Variants in PDE6D observed in about 807,000 individuals in gnomAD.
The protein encoded by PDE6D is phosphodiesterase 6D.
PDE6D carries 10 observed loss-of-function variants against 21.9 expected under a neutral mutation model. The ratio of observed to expected loss-of-function variants is 0.46; its 90% CI spans 0.28 to 0.78. PDE6D has a LOEUF of 0.78. Among genes scored for constraint, PDE6D ranks in the 30% least tolerant of loss-of-function variants. The pLI, the probability that PDE6D is intolerant of heterozygous loss-of-function variation, is 0.12. For synonymous variants in PDE6D, 59 were observed against 63.5 expected (o/e 0.93, Z 0.34); for missense variants, 139 against 184.8 (o/e 0.75, Z 1.44).
intron 1 of PDE6D, among the ~76,000 whole-genome samples, chr2:231,757,768 T>C (rs2048894612): frequency 6.6e-6 from 1 of 152,208 alleles, no homozygotes; most frequent in South Asian, 2.1e-4. Flanking sequence ...TATTTTTTAA[T>C]TAAAAAGCAG....
intron 1 of PDE6D, among the ~76,000 whole-genome samples, chr2:231,749,513 T>C (rs547819345): frequency 1.5e-4 from 23 of 151,734 alleles, no homozygotes; most frequent in South Asian, 1.5e-3. Flanking sequence ...TTTTTTTTTT[T>C]TTTTTTTGAG....
chr2:231,748,228 A>G (rs1205919492), intron 1 of PDE6D, among the ~76,000 whole-genome samples: 1 of 152,188 alleles, frequency 6.6e-6, no homozygotes, highest in East Asian at 1.9e-4. Flanking sequence ...GACTTGTTGA[A>G]TGGCTTTGCC....
chr2:231,776,950 T>A (rs968222808), intron 1 of PDE6D, among the ~76,000 whole-genome samples: 11 of 152,214 alleles, frequency 7.2e-5, no homozygotes, highest in Admixed American at 3.9e-4. Flanking sequence ...TGAGAGGTAG[T>A]ATAGCGCCAC....
At chr2:231,743,191 C>T (rs781368990) in intron 1 of PDE6D, among the ~76,000 whole-genome samples, 4 of 151,754 alleles carry the variant, frequency 2.6e-5, no homozygotes, top group African/African-American at 9.7e-5. Context: ...TTTTGGAGGC[C>T]GAGGCGGGCG....
chr2:231,750,481 C>CATTTTTTTTTTTTT (rs1553557786), intron 1 of PDE6D, among the ~76,000 whole-genome samples: 1 of 133,562 alleles, frequency 7.5e-6, no homozygotes, highest in Admixed American at 7.6e-5. Context: ...ATCCATATCA[C>CATTTTTTTTTTTTT]TTTTTTTTTT....
At chr2:231,737,422 C>T (rs922202597) in intron 3 of PDE6D, 130 bp from the exon 4 acceptor site, 47 of 579,762 alleles carry the variant, frequency 8.1e-5, no homozygotes, top group Admixed American at 1.2e-4. Flanking sequence ...AGCAACCTCT[C>T]AGACCAGGGG....
At position 231,752,831 on chromosome 2, in the gene PDE6D, G is replaced by GTTTTTT. The variant is rs778027978; in HGVS notation, c.51-13649_51-13644dup. 9.2e-5 allele frequency among the ~76,000 whole-genome samples: 11 copies of GTTTTTT among 119,302 alleles called. 1 individual carries two copies. Among genetic ancestry groups the GTTTTTT allele is most frequent in the Non-Finnish European group, 1.2e-4 (7 of 59,280 alleles). The allele number at this position is 119,302 out of a possible 152,430, so 78.3% of individuals were successfully genotyped here. A position where few individuals can be genotyped will look rare whatever the true frequency, so the allele number is the denominator to read the frequency against. ...CAGAAATTATATTTGAGAGATTTGA[G>GTTTTTT]TTTTTTTTTTTTTTTTTTTTGAGAC... On this transcript the variant is annotated intron_variant, in intron 1 of 4. Transcript: ENST00000287600.
At chr2:231,760,362 A>C (rs2048916534) in intron 1 of PDE6D, among the ~76,000 whole-genome samples, 1 of 152,204 alleles carries the variant, frequency 6.6e-6, no homozygotes, top group African/African-American at 2.4e-5. Flanking sequence ...GTATGCTAAT[A>C]ATTTAGATAT....
At chr2:231,741,510 C>T (rs2048749769) in intron 1 of PDE6D, among the ~76,000 whole-genome samples, 1 of 152,194 alleles carries the variant, frequency 6.6e-6, no homozygotes, top group African/African-American at 2.4e-5. Context: ...GATCCCAAGA[C>T]AATAGCTCTT....
chr2:231,773,064 C>T (rs953010569), intron 1 of PDE6D, among the ~76,000 whole-genome samples: 10 of 152,028 alleles, frequency 6.6e-5, no homozygotes, highest in Non-Finnish European at 2.9e-5. Flanking sequence ...ATAGTGAAAC[C>T]GTTTCTCTAC....
chr2:231,765,945 G>A (rs555368851), intron 1 of PDE6D, among the ~76,000 whole-genome samples: 1 of 152,160 alleles, frequency 6.6e-6, no homozygotes, highest in African/African-American at 2.4e-5. Context: ...TTATGTCAGA[G>A]CCCTCTTATG....
intron 1 of PDE6D, among the ~76,000 whole-genome samples, chr2:231,780,694 C>T (rs373586097): frequency 2.6e-5 from 4 of 152,186 alleles, no homozygotes; most frequent in Admixed American, 2.6e-4. Flanking sequence ...CGCGCCCCCT[C>T]AGCCCTTCTC....
chr2:231,779,935 CT>C (rs2049090897), intron 1 of PDE6D, among the ~76,000 whole-genome samples: 1 of 152,186 alleles, frequency 6.6e-6, no homozygotes, highest in African/African-American at 2.4e-5. Flanking sequence ...GAAAACAGTG[CT>C]TTACTAAACC....
At position 231,738,116 on chromosome 2, in the gene PDE6D, G is replaced by C; in HGVS notation, c.162C>G (p.Leu54=). The C allele has an allele frequency of 6.2e-7, 1 of 1,612,960 alleles. No individual in the cohort carries two copies. The highest frequency in any genetic ancestry group is 1.7e-5 in the Admixed American group (1 of 59,754). Residue 54 remains leucine, a synonymous_variant, in exon 3 of 5, where the codon CTC becomes CTG. Transcript: ENST00000287600. The part of the protein sequence containing the change: ...EHEARVPKKI[L]KCKAVSRELN... The stretch of plus-strand genomic sequence containing the variant: ...GTTCTCGAGACACTGCCTTGCACTT[G>C]AGGATTTTCTTGGGAACACGGGCTG...
At position 231,736,543 on chromosome 2, in the gene PDE6D, G is replaced by A. The variant is rs919663453; in HGVS notation, c.371+644C>T. Among the ~76,000 whole-genome samples, 6 of 152,302 alleles carry A rather than the reference G, an allele frequency of 3.9e-5. No homozygotes were observed. In the East Asian group the frequency reaches 1.2e-3, roughly 29 times the overall value. On this transcript the variant is annotated intron_variant, in intron 4 of 4. Transcript: ENST00000287600. ...CTAACATCTTTCCCACAGACAATGGGAGGTAGGAAGTTATTGACAGTGTTT... is the reference window on the plus strand; with the variant it reads ...CTAACATCTTTCCCACAGACAATGGAAGGTAGGAAGTTATTGACAGTGTTT...
At chr2:231,751,451 C>T (rs766090116) in intron 1 of PDE6D, among the ~76,000 whole-genome samples, 2 of 152,224 alleles carry the variant, frequency 1.3e-5, no homozygotes, top group Non-Finnish European at 2.9e-5. Context: ...CAGCCAAGAA[C>T]AGTTTCAGAT....
chr2:231,745,914 T>C (rs2048790303), intron 1 of PDE6D, among the ~76,000 whole-genome samples: 1 of 151,768 alleles, frequency 6.6e-6, no homozygotes, highest in Admixed American at 6.6e-5. Flanking sequence ...AAGGGAAGGA[T>C]TGGGGATCAG....
chr2:231,758,362 C>G (rs2048900116), intron 1 of PDE6D, among the ~76,000 whole-genome samples: 1 of 151,910 alleles, frequency 6.6e-6, no homozygotes, highest in South Asian at 2.1e-4. Context: ...GGCTCAAACT[C>G]CTGGGCTCGA....
chr2:231,776,382 G>GTAAC (rs1211915428), intron 1 of PDE6D, among the ~76,000 whole-genome samples: 1 of 144,424 alleles, frequency 6.9e-6, no homozygotes, highest in African/African-American at 2.5e-5. Context: ...GCAACTGAAA[G>GTAAC]TAACTATCTT....
Sources: allele counts gnomAD v4.1 joint callset (sites outside exome capture counted in the v4.1 genomes callset), GRCh38; gene constraint gnomAD v4.1.1; transcripts MANE v1.5; gene names NCBI Gene and HGNC (gene_info 2026-07-23, HGNC 2026-07-21).